LYPD6B: variants seen among roughly 807,000 people sequenced by gnomAD.
LYPD6B encodes ly6/PLAUR domain-containing protein 6B.
A neutral mutation model predicts 22.8 loss-of-function variants in LYPD6B; 17 were observed. That is an observed-to-expected ratio of 0.75 (90% CI 0.51 to 1.12). The LOEUF (loss-of-function observed/expected upper bound fraction) is 1.12, where lower values mean the gene tolerates loss of function less well. Among genes scored for constraint, LYPD6B ranks in the 50% most tolerant of loss-of-function variants. The pLI, the probability that LYPD6B is intolerant of heterozygous loss-of-function variation, is 0.00. For missense variants in LYPD6B, 221 were observed against 258.3 expected (o/e 0.86, Z 0.99); for synonymous variants, 106 against 91.6 (o/e 1.16, Z -0.90).
intron 1 of LYPD6B, among the ~76,000 whole-genome samples, chr2:149,108,850 CTGTT>C (rs1460557900): frequency 1.3e-5 from 2 of 151,814 alleles, no homozygotes; most frequent in African/African-American, 4.8e-5. Context: ...TTAGTTATGC[CTGTT>C]TGTTTTATTT....
Position 149,130,036 on chromosome 2 carries a change from C to G in LYPD6B, c.-66-847C>G, listed in dbSNP as rs533275171. Among the ~76,000 whole-genome samples, 17 of 152,268 alleles carry G rather than the reference C, an allele frequency of 1.1e-4. No homozygotes were observed. The East Asian group carries it at 3.3e-3, about 30-fold the overall frequency. On this transcript the variant is annotated intron_variant, in intron 1 of 6. Coordinates refer to ENST00000409642, the MANE Select transcript of LYPD6B (RefSeq NM_177964.5). ...TTGTGCTCCAGTTAAGTGGGTACACCCGCCTCTTTCTGGTAGGCCCCTAAG... is the reference window on the plus strand; with the variant it reads ...TTGTGCTCCAGTTAAGTGGGTACACGCGCCTCTTTCTGGTAGGCCCCTAAG...
At chr2:149,149,724 A>T (rs953756669) in intron 2 of LYPD6B, among the ~76,000 whole-genome samples, 2 of 152,122 alleles carry the variant, frequency 1.3e-5, no homozygotes, top group Non-Finnish European at 2.9e-5. Context: ...CCTACTTCTA[A>T]CTGTAGAAGA....
intron 1 of LYPD6B, among the ~76,000 whole-genome samples, chr2:149,113,008 A>C (rs1686834022): frequency 1.3e-5 from 2 of 152,210 alleles, no homozygotes; most frequent in Admixed American, 1.3e-4. Flanking sequence ...GGCAGATAGA[A>C]GGTATGGTAG....
At chr2:149,103,478 C>A (rs943050254) in intron 1 of LYPD6B, among the ~76,000 whole-genome samples, 13 of 152,082 alleles carry the variant, frequency 8.5e-5, no homozygotes, top group African/African-American at 3.1e-4. Flanking sequence ...TTATAAACAG[C>A]TTTTTTGAGA....
At chr2:149,116,033 A>G (rs1686989644) in intron 1 of LYPD6B, among the ~76,000 whole-genome samples, 2 of 152,192 alleles carry the variant, frequency 1.3e-5, no homozygotes, top group African/African-American at 2.4e-5. Context: ...ACAGTAGCCT[A>G]ACATTATGTC....
At chr2:149,160,876 T>C (rs1468597958) in intron 3 of LYPD6B, 41 bp downstream of exon 3, 20 of 1,416,582 alleles carry the variant, frequency 1.4e-5, no homozygotes, top group Non-Finnish European at 1.8e-5. Flanking sequence ...GGCTTTTCAT[T>C]TGGGAGCTCT....
In LYPD6B at chr2:149,149,546, A is replaced by G. The variant is rs189138542; in HGVS notation, c.6-11218A>G. ...TTACTACTGAATGCAAATCCCTGTA[A>G]AAGATACAAAGGAAGTACCTGCCTT... On this transcript the variant is annotated intron_variant, in intron 2 of 6. Coordinates refer to ENST00000409642, the MANE Select transcript of LYPD6B (RefSeq NM_177964.5). Among the ~76,000 whole-genome samples, 361 of 152,312 alleles carry G rather than the reference A, an allele frequency of 2.4e-3. 1 individual carries two copies. The highest frequency in any genetic ancestry group is 3.7e-3 in the Non-Finnish European group (254 of 68,022).
intron 3 of LYPD6B, among the ~76,000 whole-genome samples, chr2:149,197,392 GT>G (rs1260656655): frequency 6.6e-6 from 1 of 152,160 alleles, no homozygotes; most frequent in Non-Finnish European, 1.5e-5. Context: ...CACGCCTATA[GT>G]CCCAGCTACT....
At chr2:149,174,970 T>A (rs1023650807) in intron 3 of LYPD6B, among the ~76,000 whole-genome samples, 8 of 151,534 alleles carry the variant, frequency 5.3e-5, no homozygotes, top group African/African-American at 1.9e-4. Context: ...AAATTTATAG[T>A]CTAGTGAAGG....
intron 3 of LYPD6B, among the ~76,000 whole-genome samples, chr2:149,189,321 AT>A (rs1158991455): frequency 2.7e-5 from 3 of 111,410 alleles, no homozygotes. Flanking sequence ...TATAAAAACA[AT>A]TTTTTTGATT....
At chr2:149,135,071 C>CCCATCTCTA in intron 2 of LYPD6B, among the ~76,000 whole-genome samples, 1 of 151,528 alleles carries the variant, frequency 6.6e-6, no homozygotes, top group East Asian at 2.0e-4. Flanking sequence ...ATGATGAAAC[C>CCCATCTCTA]CCATCTCTAC....
chr2:149,137,365 G>A (rs1688430637), intron 2 of LYPD6B, among the ~76,000 whole-genome samples: 2 of 152,198 alleles, frequency 1.3e-5, no homozygotes, highest in South Asian at 4.1e-4. Flanking sequence ...GAGCTTCAGA[G>A]AGATTGCAAA....
intron 1 of LYPD6B, among the ~76,000 whole-genome samples, chr2:149,120,309 A>ATG (rs71406039): frequency 0.045 from 5,984 of 131,952 alleles, 290 homozygotes; most frequent in East Asian, 0.27. Context: ...ATATATATAT[A>ATG]TGTGTATATA....
chr2:149,135,087 A>C (rs1688274329), intron 2 of LYPD6B, among the ~76,000 whole-genome samples: 1 of 151,738 alleles, frequency 6.6e-6, no homozygotes, highest in Admixed American at 6.6e-5. Context: ...TCTACTAAAA[A>C]TACAAAAATT....
intron 1 of LYPD6B, among the ~76,000 whole-genome samples, chr2:149,054,641 C>T (rs905809167): frequency 4.6e-5 from 7 of 152,014 alleles, no homozygotes; most frequent in Admixed American, 6.6e-5. Flanking sequence ...CTGAGTAAGC[C>T]GAGGTGGCAG....
intron 1 of LYPD6B, among the ~76,000 whole-genome samples, chr2:149,089,521 T>TTTTGAAAGAGATTATATATCTA (rs1685550070): frequency 6.6e-6 from 1 of 152,220 alleles, no homozygotes; most frequent in Admixed American, 6.5e-5. Context: ...CAAAAGAATC[T>TTTTGAAAGAGATTATATATCTA]GTAAAATAGT....
At chr2:149,202,941 T>C (rs918436961) in intron 3 of LYPD6B, among the ~76,000 whole-genome samples, 9 of 152,212 alleles carry the variant, frequency 5.9e-5, no homozygotes, top group Admixed American at 2.6e-4. Context: ...ATTTTATAGA[T>C]GCAAAAATTT....
chr2:149,164,422 G>T (rs1369134593), intron 3 of LYPD6B, among the ~76,000 whole-genome samples: 2 of 152,074 alleles, frequency 1.3e-5, no homozygotes, highest in African/African-American at 4.8e-5. Context: ...GACATGATTG[G>T]TTCTGACTGG....
chr2:149,117,091 G>T (rs1330798691), intron 1 of LYPD6B, among the ~76,000 whole-genome samples: 2 of 151,868 alleles, frequency 1.3e-5, no homozygotes, highest in East Asian at 3.9e-4. Context: ...TCCTTTTATT[G>T]ATTTATACAT....
Sources: allele counts gnomAD v4.1 joint callset (sites outside exome capture counted in the v4.1 genomes callset), GRCh38; gene constraint gnomAD v4.1.1; transcripts MANE v1.5; gene names NCBI Gene and HGNC (gene_info 2026-07-23, HGNC 2026-07-21).